Variants in ALK observed in about 807,000 individuals in gnomAD.
ALK encodes the protein ALK receptor tyrosine kinase.
In ALK, 74 loss-of-function variants were observed where a neutral mutation model predicts 163.1. That is an observed-to-expected ratio of 0.45 (90% CI 0.38 to 0.55). The LOEUF (loss-of-function observed/expected upper bound fraction) is 0.55, where lower values mean the gene tolerates loss of function less well. Among genes scored for constraint, ALK ranks in the 20% least tolerant of loss-of-function variants. ALK has a pLI of 0.00. For synonymous variants in ALK, 960 were observed against 843.2 expected (o/e 1.14, Z -2.40); for missense variants, 2,063 against 2,105.3 (o/e 0.98, Z 0.39).
At chr2:29,544,260 G>T (rs193068788) in intron 3 of ALK, among the ~76,000 whole-genome samples, 1 of 152,104 alleles carries the variant, frequency 6.6e-6, no homozygotes, top group Non-Finnish European at 1.5e-5. Context: ...AGTACCTTCC[G>T]CAGAACACCA....
At chr2:29,347,470 C>T (rs34258087) in intron 5 of ALK, among the ~76,000 whole-genome samples, 31 of 152,298 alleles carry the variant, frequency 2.0e-4, no homozygotes, top group Non-Finnish European at 3.4e-4. Context: ...AGTGGCAGGG[C>T]TCATACTCTG....
At chr2:29,551,523 A>G (rs993129653) in intron 3 of ALK, among the ~76,000 whole-genome samples, 1 of 152,158 alleles carries the variant, frequency 6.6e-6, no homozygotes, top group Non-Finnish European at 1.5e-5. Flanking sequence ...CCATAGCCAC[A>G]AAGCTGATAA....
At chr2:29,645,462 T>A (rs1676845157) in intron 3 of ALK, among the ~76,000 whole-genome samples, 1 of 152,122 alleles carries the variant, frequency 6.6e-6, no homozygotes, top group Admixed American at 6.6e-5. Context: ...TTCCAAATAC[T>A]CTCATGGTAT....
chr2:29,288,818 G>A (rs1291422493), intron 9 of ALK, among the ~76,000 whole-genome samples: 1 of 151,756 alleles, frequency 6.6e-6, no homozygotes, highest in Non-Finnish European at 1.5e-5. Context: ...CAGGCGTGGT[G>A]GTGGATGCCT....
intron 1 of ALK, among the ~76,000 whole-genome samples, chr2:29,822,042 G>T (rs1239376213): frequency 3.3e-5 from 5 of 152,192 alleles, no homozygotes; most frequent in Admixed American, 6.5e-5. Flanking sequence ...TCTGCAGAAT[G>T]AGATAATAAG....
intron 3 of ALK, among the ~76,000 whole-genome samples, chr2:29,691,508 T>C (rs1377713918): frequency 6.6e-6 from 1 of 152,178 alleles, no homozygotes; most frequent in East Asian, 1.9e-4. Context: ...GCAATGGAAG[T>C]TGACAACATT....
chr2:29,750,468 G>A (rs919497815), intron 1 of ALK, among the ~76,000 whole-genome samples: 33 of 151,950 alleles, frequency 2.2e-4, no homozygotes, highest in African/African-American at 7.7e-4. Flanking sequence ...TTTGAGAACA[G>A]CCTGGGCAAC....
chr2:29,584,085 G>C lies in ALK; in HGVS notation c.953-51969C>G, dbSNP rs573232044. 2.1e-3 allele frequency among the ~76,000 whole-genome samples: 327 copies of C among 152,204 alleles called. 1 individual carries two copies. Among genetic ancestry groups the C allele is most frequent in the African/African-American group, 7.6e-3 (316 of 41,522 alleles). ...CAAATGGGGTAGGGTAAGTCAGGGG[G>C]TGTTCAAGAGAGCCCCCTGAAATAC... On this transcript the variant is annotated intron_variant, in intron 3 of 28. Transcript: ENST00000389048.
At chr2:29,907,399 A>T (rs1190923571) in intron 1 of ALK, among the ~76,000 whole-genome samples, 1 of 152,156 alleles carries the variant, frequency 6.6e-6, no homozygotes, top group Non-Finnish European at 1.5e-5. Context: ...ATGACTACTT[A>T]AACACGTTTT....
intron 6 of ALK, among the ~76,000 whole-genome samples, chr2:29,321,667 G>A (rs1016509296): frequency 4.6e-5 from 7 of 152,196 alleles, no homozygotes; most frequent in Non-Finnish European, 8.8e-5. Context: ...CTGCCAGCCT[G>A]GGTCCCTGAG....
At chr2:29,401,075 C>T (rs995918045) in intron 4 of ALK, among the ~76,000 whole-genome samples, 11 of 152,132 alleles carry the variant, frequency 7.2e-5, no homozygotes, top group Admixed American at 6.5e-4. Flanking sequence ...TTACAAATTG[C>T]TGTCATCAGA....
intron 1 of ALK, among the ~76,000 whole-genome samples, chr2:29,900,979 A>G (rs868095618): frequency 9.5e-5 from 14 of 146,818 alleles, no homozygotes; most frequent in African/African-American, 1.8e-4. Flanking sequence ...GAAAGAAAGA[A>G]AGAGAGAGAG....
Position 29,841,411 on chromosome 2 carries a change from C to A in ALK, c.667+78582G>T, listed in dbSNP as rs1454663675. Reference sequence around the variant, plus strand: ...TCTAATCCAAGTTTCCTTAATGCAGCAACTGCTTCTATTGCATTCATGGCA... The same window carrying A: ...TCTAATCCAAGTTTCCTTAATGCAGAAACTGCTTCTATTGCATTCATGGCA... On this transcript the variant is annotated intron_variant, in intron 1 of 28. Transcript: ENST00000389048. Among the ~76,000 whole-genome samples, 11 of 152,342 alleles carry A rather than the reference C, an allele frequency of 7.2e-5. 1 individual carries two copies. The highest frequency in any genetic ancestry group is 2.4e-4 in the African/African-American group (10 of 41,578).
At chr2:29,368,907 C>G (rs905337302) in intron 5 of ALK, among the ~76,000 whole-genome samples, 1 of 152,018 alleles carries the variant, frequency 6.6e-6, no homozygotes. Flanking sequence ...CTGGAACGTT[C>G]AATATGATTT....
rs1192824871 is a variant in ALK, at chr2:29,239,791, C to T, written c.2244G>A (p.Lys748=). Residue 748 remains lysine, a synonymous_variant, in exon 13 of 29, where the codon AAG becomes AAA. Transcript: ENST00000389048. ...CGCCGTGGGACCGCATCATGGTGTT[C>T]TTCCCGCCTTTCCCGCCAGCAGCTC... The part of the protein sequence containing the change: ...GYGAAGGKGG[K]NTMMRSHGVS... 6.2e-7 allele frequency: 1 copy of T among 1,613,914 alleles called. No homozygotes were observed. The highest frequency in any genetic ancestry group is 1.7e-5 in the Admixed American group (1 of 60,024).
intron 3 of ALK, among the ~76,000 whole-genome samples, chr2:29,542,226 T>G (rs1463654399): frequency 1.3e-5 from 2 of 152,216 alleles, no homozygotes; most frequent in Non-Finnish European, 2.9e-5. Context: ...TTTTTTCAGT[T>G]TGTCTTTCCA....
intron 5 of ALK, among the ~76,000 whole-genome samples, chr2:29,338,272 T>C (rs1667684825): frequency 6.6e-6 from 1 of 152,184 alleles, no homozygotes; most frequent in African/African-American, 2.4e-5. Flanking sequence ...AAAATTATAC[T>C]TGCAATGATG....
At chr2:29,461,645 T>C (rs1671086678) in intron 4 of ALK, among the ~76,000 whole-genome samples, 1 of 152,184 alleles carries the variant, frequency 6.6e-6, no homozygotes, top group South Asian at 2.1e-4. Flanking sequence ...GAGAAAAAGA[T>C]TCCTTTAAAA....
At chr2:29,591,348 A>T (rs1248019049) in intron 3 of ALK, among the ~76,000 whole-genome samples, 4 of 152,060 alleles carry the variant, frequency 2.6e-5, no homozygotes, top group African/African-American at 9.7e-5. Context: ...GCTGCTCTTG[A>T]ATTTGGGATC....
Sources: allele counts gnomAD v4.1 joint callset (sites outside exome capture counted in the v4.1 genomes callset), GRCh38; gene constraint gnomAD v4.1.1; transcripts MANE v1.5; gene names NCBI Gene and HGNC (gene_info 2026-07-23, HGNC 2026-07-21).